Variants in ULK4 observed in about 807,000 individuals in gnomAD.
The protein encoded by ULK4 is unc-51 like kinase 4.
A neutral mutation model predicts 160.6 loss-of-function variants in ULK4; 133 were observed. That is an observed-to-expected ratio of 0.83 (90% CI 0.72 to 0.96). The LOEUF is 0.96. Among genes scored for constraint, ULK4 ranks in the 40% least tolerant of loss-of-function variants. The pLI is 0.00. For synonymous variants in ULK4, 534 were observed against 539.8 expected (o/e 0.99, Z 0.15); for missense variants, 1,580 against 1,499.5 (o/e 1.05, Z -0.89).
chr3:41,511,983 G>A (rs796254029), intron 32 of ULK4, among the ~76,000 whole-genome samples: 176 of 152,212 alleles, frequency 1.2e-3, no homozygotes, highest in African/African-American at 4.1e-3. Flanking sequence ...ACATACATGA[G>A]TCAATAAATG....
intron 34 of ULK4, among the ~76,000 whole-genome samples, chr3:41,426,732 T>G (rs1410721304): frequency 6.7e-6 from 1 of 150,128 alleles, no homozygotes. Context: ...AACAAAGAGA[T>G]GATGCATCAG....
chr3:41,391,536 G>A (rs548239537), intron 35 of ULK4, among the ~76,000 whole-genome samples: 1 of 151,714 alleles, frequency 6.6e-6, no homozygotes, highest in South Asian at 2.1e-4. Context: ...TTTCTATCTA[G>A]TAGAAAGAGT....
intron 35 of ULK4, among the ~76,000 whole-genome samples, chr3:41,314,702 T>C (rs535611565): frequency 6.6e-6 from 1 of 152,206 alleles, no homozygotes; most frequent in Non-Finnish European, 1.5e-5. Flanking sequence ...GTTAGAAATA[T>C]GGTCTGAGTA....
intron 30 of ULK4, among the ~76,000 whole-genome samples, chr3:41,643,230 C>T (rs1451248871): frequency 1.3e-5 from 2 of 151,966 alleles, no homozygotes; most frequent in African/African-American, 2.4e-5. Context: ...CTTTTGTTGC[C>T]ATTGCTTTTG....
rs55969147 is a variant in ULK4, at chr3:41,931,470, T to TAAATAAAAAAAA, written c.541+373_541+374insTTTTTTTTATTT. ...TGTTCTGCACATGTACCCTAGAACT[T>TAAATAAAAAAAA]AAAAAAAAAAAAAAAAAAGAAAGAA... is the stretch of plus-strand genomic sequence containing the variant. On this transcript the variant is annotated intron_variant, in intron 5 of 36. Transcript: ENST00000301831. 3.9e-5 allele frequency among the ~76,000 whole-genome samples: 5 copies of TAAATAAAAAAAA among 126,986 alleles called. 2 individuals are homozygous for TAAATAAAAAAAA. Among genetic ancestry groups the TAAATAAAAAAAA allele is most frequent in the Non-Finnish European group, 8.4e-5 (5 of 59,642 alleles). 83.3% of individuals were successfully genotyped at this position (126,986 alleles called of 152,430 possible). A position where few individuals can be genotyped will look rare whatever the true frequency, so the allele number is the denominator to read the frequency against.
chr3:41,282,536 A>G (rs1185036541), intron 35 of ULK4, among the ~76,000 whole-genome samples: 1 of 152,268 alleles, frequency 6.6e-6, no homozygotes, highest in African/African-American at 2.4e-5. Flanking sequence ...CCTGACAAAA[A>G]TAAGAAACGG....
intron 19 of ULK4, among the ~76,000 whole-genome samples, chr3:41,812,017 C>T (rs912319197): frequency 7.2e-5 from 11 of 152,138 alleles, no homozygotes; most frequent in Admixed American, 2.0e-4. Flanking sequence ...CACAGTGGCT[C>T]ATACCTGTAA....
At chr3:41,837,780 C>T (rs1268740301) in intron 17 of ULK4, among the ~76,000 whole-genome samples, 11 of 152,040 alleles carry the variant, frequency 7.2e-5, no homozygotes, top group South Asian at 2.1e-4. Context: ...CGGGTAGTTT[C>T]GAACTCCTGA....
chr3:41,747,898 G>A (rs75893841), intron 22 of ULK4, among the ~76,000 whole-genome samples: 4,375 of 152,034 alleles, frequency 0.029, 206 homozygotes, highest in African/African-American at 0.1. Context: ...TGTTTAAGTT[G>A]CCCAATCTGT....
intron 35 of ULK4, among the ~76,000 whole-genome samples, chr3:41,372,886 C>T (rs6779186): frequency 0.16 from 23,885 of 152,076 alleles, 2,150 homozygotes; most frequent in African/African-American, 0.23. Context: ...GCGCTGTATT[C>T]GGAGACCCAT....
intron 22 of ULK4, among the ~76,000 whole-genome samples, chr3:41,725,480 G>T (rs1333110036): frequency 2.0e-5 from 3 of 152,158 alleles, no homozygotes; most frequent in Non-Finnish European, 4.4e-5. Context: ...CTGCTTCAGA[G>T]AGTCTAATCT....
chr3:41,296,950 T>C (rs1035825707), intron 35 of ULK4, among the ~76,000 whole-genome samples: 3 of 152,120 alleles, frequency 2.0e-5, no homozygotes, highest in Non-Finnish European at 4.4e-5. Context: ...GGAAGAATCA[T>C]GTTGAGGAAA....
chr3:41,811,400 C>A (rs935674439), intron 19 of ULK4, among the ~76,000 whole-genome samples: 1 of 152,130 alleles, frequency 6.6e-6, no homozygotes, highest in African/African-American at 2.4e-5. Flanking sequence ...CCCAGCGATC[C>A]TCCTGCCTTA....
At position 41,705,143 on chromosome 3, in the gene ULK4, C is replaced by T; in HGVS notation, c.2695G>A (p.Ala899Thr). The stretch of plus-strand genomic sequence containing the variant: ...GTGATCTTGATAAATTCTTCTGATG[C>T]TGTCAGTCCTAGAAATACAGTTAAT... ...TNIDGAIGLTASEEFIKITLS... is the reference protein window; with the variant it reads ...TNIDGAIGLTTSEEFIKITLS... The change falls in exon 27 of 37, where the codon GCA becomes ACA. Residue 899 changes from alanine to threonine, a missense_variant. By Grantham distance (58) the Ala-to-Thr change is moderately conservative. Coordinates refer to ENST00000301831, the MANE Select transcript of ULK4 (RefSeq NM_017886.4). 1 of 1,613,452 alleles carries T rather than the reference C, an allele frequency of 6.2e-7. No individual in the cohort carries two copies. The highest frequency in any genetic ancestry group is 1.1e-5 in the South Asian group (1 of 91,004).
At chr3:41,938,061 A>G in intron 3 of ULK4, 37 bp downstream of exon 3, 1 of 1,479,520 alleles carries the variant, frequency 6.8e-7, no homozygotes, top group Non-Finnish European at 9.2e-7. Flanking sequence ...TTTTTTCAAT[A>G]CTATATTCAT....
At position 41,295,313 on chromosome 3, in the gene ULK4, TAAA is replaced by T. The variant is rs1244961912; in HGVS notation, c.3679-45742_3679-45740del. ...ATCAACTCAAAATGGATCACAGACCTAAATGTAAAATGCAAGACTTACAGACCT... is the reference window on the plus strand; with the variant it reads ...ATCAACTCAAAATGGATCACAGACCTTGTAAAATGCAAGACTTACAGACCT... On this transcript the variant is annotated intron_variant, in intron 35 of 36. Transcript: ENST00000301831. Among the ~76,000 whole-genome samples, 4 of 133,938 alleles carry T rather than the reference TAAA, an allele frequency of 3.0e-5. 1 individual carries two copies. Among genetic ancestry groups the T allele is most frequent in the Admixed American group, 7.2e-5 (1 of 13,868 alleles). The allele number at this position is 133,938 out of a possible 152,430, so 87.9% of individuals were successfully genotyped here.
intron 31 of ULK4, among the ~76,000 whole-genome samples, chr3:41,608,806 T>C (rs1038158359): frequency 6.6e-6 from 1 of 152,212 alleles, no homozygotes; most frequent in Admixed American, 6.5e-5. Context: ...TTCATCACAC[T>C]GAAGAACACT....
intron 17 of ULK4, among the ~76,000 whole-genome samples, chr3:41,878,296 G>A (rs1697384142): frequency 6.6e-6 from 1 of 152,138 alleles, no homozygotes; most frequent in Admixed American, 6.5e-5. Context: ...AAACTTGAAA[G>A]AGCTCCCACT....
chr3:41,481,840 A>G (rs973986504), intron 32 of ULK4, among the ~76,000 whole-genome samples: 2 of 151,556 alleles, frequency 1.3e-5, no homozygotes, highest in African/African-American at 4.8e-5. Flanking sequence ...AAAAAAAAAA[A>G]AAAAAAAGAA....
Sources: allele counts gnomAD v4.1 joint callset (sites outside exome capture counted in the v4.1 genomes callset), GRCh38; gene constraint gnomAD v4.1.1; transcripts MANE v1.5; gene names NCBI Gene and HGNC (gene_info 2026-07-23, HGNC 2026-07-21).